Variants in PXYLP1 observed in about 807,000 individuals in gnomAD.
The protein encoded by PXYLP1 is 2-phosphoxylose phosphatase 1.
In PXYLP1, 17 loss-of-function variants were observed where a neutral mutation model predicts 37.9. The ratio of observed to expected loss-of-function variants is 0.45; its 90% CI spans 0.31 to 0.67. The LOEUF is 0.67. PXYLP1 is among the 30% of genes least tolerant of loss of function. PXYLP1 has a pLI of 0.07. For synonymous variants in PXYLP1, 221 were observed against 232.2 expected (o/e 0.95, Z 0.44); for missense variants, 511 against 612.0 (o/e 0.84, Z 1.74).
At chr3:141,261,148 T>C (rs1164421313) in intron 2 of PXYLP1, among the ~76,000 whole-genome samples, 1 of 151,998 alleles carries the variant, frequency 6.6e-6, no homozygotes, top group African/African-American at 2.4e-5. Flanking sequence ...CTTCCTTCCT[T>C]CCCCCGTTTT....
rs148698673 is a variant in PXYLP1 at position 141,238,954 on chromosome 3, A to G, written c.-54+7043A>G. ...GAGGAGGGGTTGGTCTTGCTGTCTC[A>G]GGGGTGGCAGAGGCGGAAGAGAACC... On this transcript the variant is annotated intron_variant, in intron 1 of 5. Transcript: ENST00000286353. 1.9e-3 allele frequency among the ~76,000 whole-genome samples: 296 copies of G among 152,208 alleles called. 2 individuals are homozygous for G. Among genetic ancestry groups the G allele is most frequent in the Non-Finnish European group, 3.2e-3 (216 of 67,984 alleles).
intron 2 of PXYLP1, chr3:141,273,365 C>T: frequency 1.0e-6 from 1 of 985,436 alleles, no homozygotes; most frequent in Non-Finnish European, 1.2e-6. Context: ...TACTGTCTGG[C>T]TGATGGTTAC....
At chr3:141,268,170 A>G (rs1317718611) in intron 2 of PXYLP1, among the ~76,000 whole-genome samples, 46 of 103,774 alleles carry the variant, frequency 4.4e-4, no homozygotes, top group East Asian at 9.3e-4. Context: ...TGGGTGGGGG[A>G]GAGAGAGAGA....
intron 4 of PXYLP1, among the ~76,000 whole-genome samples, chr3:141,282,545 A>C (rs1418386398): frequency 6.6e-6 from 1 of 151,616 alleles, no homozygotes. Flanking sequence ...CTGCTTCCCC[A>C]GGCTAGAATA....
rs1941037025 is a variant in PXYLP1 at position 141,248,629 on chromosome 3, ATATATACACACGTG to A, written c.-53-11487_-53-11474del. The stretch of plus-strand genomic sequence containing the variant: ...TACACACGTATATATACACACACGT[ATATATACACACGTG>A]TATATATACACACGTATATATACAC... On this transcript the variant is annotated intron_variant, in intron 1 of 5. Transcript: ENST00000286353. 2.7e-5 allele frequency among the ~76,000 whole-genome samples: 3 copies of A among 112,608 alleles called. 1 individual carries two copies. Among genetic ancestry groups the A allele is most frequent in the South Asian group, 2.8e-4 (1 of 3,526 alleles). 73.9% of individuals were successfully genotyped at this position (112,608 alleles called of 152,430 possible).
intron 1 of PXYLP1, among the ~76,000 whole-genome samples, chr3:141,245,185 G>A (rs13319788): frequency 6.6e-6 from 1 of 151,590 alleles, no homozygotes; most frequent in South Asian, 2.1e-4. Context: ...AGGTAGCTGA[G>A]ATTATAGGTG....
At chr3:141,257,920 AAAAAAAGAGAG>A (rs1402613661) in intron 1 of PXYLP1, among the ~76,000 whole-genome samples, 4 of 149,200 alleles carry the variant, frequency 2.7e-5, no homozygotes, top group African/African-American at 1.0e-4. Context: ...AAAAAAAAAA[AAAAAAAGAGAG>A]AGAGAGAGAA....
intron 4 of PXYLP1, among the ~76,000 whole-genome samples, chr3:141,286,955 A>G (rs1942088292): frequency 1.3e-5 from 2 of 152,280 alleles, no homozygotes; most frequent in African/African-American, 2.4e-5. Context: ...GGGAATGGAG[A>G]GAGTGGGACG....
chr3:141,237,292 A>G (rs1223014064), intron 1 of PXYLP1, among the ~76,000 whole-genome samples: 1 of 152,248 alleles, frequency 6.6e-6, no homozygotes, highest in Non-Finnish European at 1.5e-5. Flanking sequence ...CTCTGTATGT[A>G]GCACCCAGAA....
intron 2 of PXYLP1, chr3:141,274,529 C>A: frequency 6.9e-7 from 1 of 1,457,928 alleles, no homozygotes; most frequent in Non-Finnish European, 9.3e-7. Flanking sequence ...GCCCCTCACC[C>A]CAGACTGGTT....
chr3:141,273,581 G>T, intron 2 of PXYLP1: 1 of 985,450 alleles, frequency 1.0e-6, no homozygotes, highest in Non-Finnish European at 1.2e-6. Flanking sequence ...TAAGAAATTT[G>T]TTGGTTGCTT....
chr3:141,269,049 A>G (rs1941601082), intron 2 of PXYLP1, among the ~76,000 whole-genome samples: 1 of 152,238 alleles, frequency 6.6e-6, no homozygotes, highest in African/African-American at 2.4e-5. Flanking sequence ...CATGCCTGAG[A>G]GTGCAGGCCC....
intron 1 of PXYLP1, among the ~76,000 whole-genome samples, chr3:141,252,043 C>A (rs1171007431): frequency 6.6e-6 from 1 of 152,184 alleles, no homozygotes; most frequent in Non-Finnish European, 1.5e-5. Context: ...GTTCTCACTT[C>A]ATAGATGAGG....
rs1942310894 is a variant in PXYLP1 at position 141,294,804 on chromosome 3, T to C, written c.*1599T>C. 1 of 152,258 alleles carries C rather than the reference T, an allele frequency of 6.6e-6. No homozygotes were observed. The highest frequency in any genetic ancestry group is 2.4e-5 in the African/African-American group (1 of 41,472). The allele number at this position is 152,258 out of a possible 1,614,324, so 9.4% of individuals were successfully genotyped here. A position where few individuals can be genotyped will look rare whatever the true frequency, so the allele number is the denominator to read the frequency against. On this transcript the variant is annotated 3_prime_UTR_variant, in exon 6 of 6. Transcript: ENST00000286353. Reference sequence around the variant, plus strand: ...GCTGAAAGTTGTGTTATCTCTCAAGTATTCAAAGACTAAATGTGTTTTCTT... The same window carrying C: ...GCTGAAAGTTGTGTTATCTCTCAAGCATTCAAAGACTAAATGTGTTTTCTT...
intron 5 of PXYLP1, among the ~76,000 whole-genome samples, chr3:141,287,888 G>C (rs1175568740): frequency 6.6e-6 from 1 of 152,172 alleles, no homozygotes; most frequent in Non-Finnish European, 1.5e-5. Flanking sequence ...CATCATTTAT[G>C]ATAGCGCCAT....
At chr3:141,274,031 A>G (rs558166207) in intron 2 of PXYLP1, 4 of 986,568 alleles carry the variant, frequency 4.1e-6, no homozygotes, top group South Asian at 4.7e-5. Context: ...GCCCTGTGAC[A>G]TCTGAGCTGC....
chr3:141,276,274 A>G (rs1018119694), intron 2 of PXYLP1, among the ~76,000 whole-genome samples: 4 of 152,224 alleles, frequency 2.6e-5, no homozygotes, highest in Non-Finnish European at 5.9e-5. Context: ...ACAAGTAAAA[A>G]TACTTTTTCA....
chr3:141,280,124 G>C (rs1941911730), intron 4 of PXYLP1, among the ~76,000 whole-genome samples: 2 of 152,250 alleles, frequency 1.3e-5, no homozygotes, highest in Admixed American at 1.3e-4. Flanking sequence ...TAGAGGCATA[G>C]TTAGCAATAA....
At chr3:141,270,168 T>C (rs1941625453) in intron 2 of PXYLP1, among the ~76,000 whole-genome samples, 1 of 152,252 alleles carries the variant, frequency 6.6e-6, no homozygotes, top group Non-Finnish European at 1.5e-5. Context: ...TTACCTAATG[T>C]GGTTCACCAT....
Sources: allele counts gnomAD v4.1 joint callset (sites outside exome capture counted in the v4.1 genomes callset), GRCh38; gene constraint gnomAD v4.1.1; transcripts MANE v1.5; gene names NCBI Gene and HGNC (gene_info 2026-07-23, HGNC 2026-07-21).